Variants in ERG observed in about 807,000 individuals in gnomAD.
ERG encodes the protein transcriptional regulator ERG.
Under a neutral mutation model 55.3 loss-of-function variants are expected in ERG, and 9 were observed. The ratio of observed to expected loss-of-function variants is 0.16; its 90% confidence interval spans 0.10 to 0.28. The LOEUF (loss-of-function observed/expected upper bound fraction) is 0.28. ERG is among the 10% of genes least tolerant of loss of function. The pLI, the probability that ERG is intolerant of heterozygous loss-of-function variation, is 1.00. For missense variants in ERG, 434 were observed against 631.6 expected, an observed-to-expected ratio of 0.69 and a Z score of 3.35; for synonymous variants, 223 against 237.3, an observed-to-expected ratio of 0.94 and a Z score of 0.55.
intron 1 of ERG, among the ~76,000 whole-genome samples, chr21:38,658,210 A>G (rs2060530927): frequency 6.6e-6 from 1 of 152,152 alleles, no homozygotes; most frequent in Admixed American, 6.5e-5. Context: ...ACAAAAAGAG[A>G]CCTGCATTCA....
intron 1 of ERG, among the ~76,000 whole-genome samples, chr21:38,615,093 G>T (rs745879342): frequency 1.3e-5 from 2 of 152,114 alleles, no homozygotes; most frequent in South Asian, 2.1e-4. Context: ...TTATGAAAAG[G>T]CCAGTGCAAA....
intron 9 of ERG, among the ~76,000 whole-genome samples, chr21:38,389,182 G>A (rs1229769109): frequency 6.6e-6 from 1 of 152,180 alleles, no homozygotes; most frequent in Non-Finnish European, 1.5e-5. Flanking sequence ...CAGTGGCAGA[G>A]TAGGGCAAGA....
chr21:38,485,632 G>A lies in ERG; in HGVS notation c.18+12731C>T, dbSNP rs551965257. Among the ~76,000 whole-genome samples the A allele has an allele frequency of 2.6e-3, 388 of 150,656 alleles. 2 individuals are homozygous for A. Among genetic ancestry groups the A allele is most frequent in the African/African-American group, 8.9e-3 (366 of 41,008 alleles). Reference sequence around the variant, plus strand: ...GCGCCACCATGCCCGGCTAATTTTTGTATTTTTAGTAGAGATGGGGTTTCA... The same window carrying A: ...GCGCCACCATGCCCGGCTAATTTTTATATTTTTAGTAGAGATGGGGTTTCA... On this transcript the variant is annotated intron_variant, in intron 1 of 9. Coordinates refer to ENST00000288319, the MANE Select transcript of ERG (RefSeq NM_182918.4).
At chr21:38,495,519 G>A (rs2059372219) in intron 1 of ERG, among the ~76,000 whole-genome samples, 1 of 152,160 alleles carries the variant, frequency 6.6e-6, no homozygotes, top group Admixed American at 6.5e-5. Flanking sequence ...TCAGATCTCT[G>A]TGATGATGGA....
upstream of ERG, among the ~76,000 whole-genome samples, chr21:38,503,228 ATGT>A (rs2059434523): frequency 6.6e-6 from 1 of 152,176 alleles, no homozygotes; most frequent in South Asian, 2.1e-4. Flanking sequence ...GTAACATGCA[ATGT>A]TGTTCATTTT....
intron 1 of ERG, among the ~76,000 whole-genome samples, chr21:38,466,465 C>A (rs2146609221): frequency 6.6e-6 from 1 of 152,106 alleles, no homozygotes; most frequent in South Asian, 2.1e-4. Context: ...TTGAAAAGTA[C>A]AGTTTGTTTC....
chr21:38,434,229 A>G (rs1379653845), intron 2 of ERG, among the ~76,000 whole-genome samples: 1 of 152,156 alleles, frequency 6.6e-6, no homozygotes. Context: ...CTCTATTAAC[A>G]TGGGGCTGGC....
At chr21:38,368,789 C>A in the ERG span, among the ~76,000 whole-genome samples, 2 of 152,106 alleles carry the variant, frequency 1.3e-5, no homozygotes, top group African/African-American at 4.8e-5. Flanking sequence ...TCTGAAAGGC[C>A]CCAGTGTGTG....
chr21:38,575,200 G>A (rs1429060845), intron 2 of ERG, among the ~76,000 whole-genome samples: 3 of 152,142 alleles, frequency 2.0e-5, no homozygotes, highest in Admixed American at 6.5e-5. Context: ...TCACCTACTT[G>A]TCTCCTGCTC....
chr21:38,579,420 T>C (rs778837470), intron 1 of ERG, among the ~76,000 whole-genome samples: 1 of 152,146 alleles, frequency 6.6e-6, no homozygotes, highest in Non-Finnish European at 1.5e-5. Flanking sequence ...TTCATACAGA[T>C]ATGAAGCGGT....
intron 2 of ERG, among the ~76,000 whole-genome samples, chr21:38,548,318 ATAAGT>A (rs2059800719): frequency 1.3e-5 from 2 of 152,186 alleles, no homozygotes; most frequent in African/African-American, 4.8e-5. Flanking sequence ...GTCATCATAT[ATAAGT>A]TAATAGTTCA....
chr21:38,467,603 T>C (rs145070762), intron 1 of ERG, among the ~76,000 whole-genome samples: 1,793 of 152,282 alleles, frequency 0.012, 39 homozygotes, highest in African/African-American at 0.042. Flanking sequence ...TAACTGTACA[T>C]GTGCTCTTGT....
chr21:38,462,041 G>T (rs985712159), intron 1 of ERG, among the ~76,000 whole-genome samples: 7 of 151,888 alleles, frequency 4.6e-5, no homozygotes, highest in African/African-American at 1.7e-4. Flanking sequence ...GAATGCAGTG[G>T]CGCGATCTTG....
intron 1 of ERG, among the ~76,000 whole-genome samples, chr21:38,496,435 C>T (rs1406315582): frequency 2.0e-5 from 3 of 152,144 alleles, no homozygotes; most frequent in Non-Finnish European, 4.4e-5. Flanking sequence ...GACTCAGGAC[C>T]TCCTTTTTCC....
At chr21:38,406,511 C>A (rs1246381824) in intron 3 of ERG, among the ~76,000 whole-genome samples, 1 of 152,142 alleles carries the variant, frequency 6.6e-6, no homozygotes, top group Non-Finnish European at 1.5e-5. Context: ...ACCTTTGGTT[C>A]TGTGCAGAGG....
At chr21:38,488,309 G>C (rs1400478893) in intron 1 of ERG, among the ~76,000 whole-genome samples, 3 of 152,218 alleles carry the variant, frequency 2.0e-5, no homozygotes, top group African/African-American at 7.2e-5. Flanking sequence ...TCTGGGTGGA[G>C]CTGTGGGTTT....
chr21:38,440,836 C>T (rs1439870546), intron 2 of ERG, among the ~76,000 whole-genome samples: 2 of 150,276 alleles, frequency 1.3e-5, no homozygotes, highest in Non-Finnish European at 3.0e-5. Flanking sequence ...TCAGCAAAGC[C>T]TGCGGATGGG....
At chr21:38,581,929 G>A (rs956357260) in intron 1 of ERG, among the ~76,000 whole-genome samples, 7 of 151,822 alleles carry the variant, frequency 4.6e-5, no homozygotes, top group African/African-American at 1.5e-4. Context: ...TGTAGTCCCA[G>A]CTGCTCAGGA....
upstream of ERG, among the ~76,000 whole-genome samples, chr21:38,503,062 T>C (rs1482855062): frequency 2.0e-5 from 3 of 152,188 alleles, no homozygotes; most frequent in Non-Finnish European, 4.4e-5. Context: ...AAAAAATAAA[T>C]AAAAAGGCAA....
Sources: allele counts gnomAD v4.1 joint callset (sites outside exome capture counted in the v4.1 genomes callset), GRCh38; gene constraint gnomAD v4.1.1; transcripts MANE v1.5; gene names NCBI Gene and HGNC (gene_info 2026-07-23, HGNC 2026-07-21).